The following KMT2C variants were observed in gnomAD, a reference collection of about 807,000 sequenced individuals.
KMT2C encodes the protein lysine methyltransferase 2C.
KMT2C carries 88 observed loss-of-function variants against 507.9 expected under a neutral mutation model. That is an observed-to-expected ratio of 0.17 (90% CI 0.15 to 0.21). The LOEUF is 0.21. KMT2C is among the 10% of genes least tolerant of loss of function. KMT2C has a pLI of 1.00. For synonymous variants in KMT2C, 2,049 were observed against 2,080.8 expected, an observed-to-expected ratio of 0.98 and a Z score of 0.42; for missense variants, 4,954 against 5,957.8, an observed-to-expected ratio of 0.83 and a Z score of 5.55.
chr7:152,181,751 C>G lies in KMT2C; in HGVS notation c.6109G>C (p.Asp2037His), dbSNP rs2129120279. 1 of 1,614,056 alleles carries G rather than the reference C, an allele frequency of 6.2e-7. No homozygotes were observed. Among genetic ancestry groups the G allele is most frequent in the Non-Finnish European group, 8.5e-7 (1 of 1,180,022 alleles). The part of the protein sequence containing the change: ...ARPLLTPAPL[D>H]SGPGPFKTPM... ...GTCTTAAAAGGTCCAGGACCACTATCAAGAGGTGCAGGTGTCAACAAGGGT... is the reference window on the plus strand; with the variant it reads ...GTCTTAAAAGGTCCAGGACCACTATGAAGAGGTGCAGGTGTCAACAAGGGT... Residue 2037 changes from aspartate (D) to histidine (H), a missense_variant, in exon 36 of 59, where the codon GAT becomes CAT. Coordinates refer to ENST00000262189, the MANE Select transcript of KMT2C (RefSeq NM_170606.3).
Position 152,248,556 on chromosome 7 carries a change from T to C in KMT2C, c.1878A>G (p.Glu626=). 6.2e-7 allele frequency: 1 copy of C among 1,614,010 alleles called. No homozygotes were observed. Among genetic ancestry groups the C allele is most frequent in the Non-Finnish European group, 8.5e-7 (1 of 1,179,910 alleles). Residue 626 remains glutamate, a synonymous_variant, in exon 14 of 59, where the codon GAA becomes GAG. Coordinates refer to ENST00000262189, the MANE Select transcript of KMT2C (RefSeq NM_170606.3). ...EKQISNEVDS[E]DLKMSSEVKH... ...TCACTTCAGAAGACATTTTCAGGTC[T>C]TCACTATCAACTTCATTAGAAATCT... is the stretch of plus-strand genomic sequence containing the variant.
At chr7:152,153,943 A>T in intron 48 of KMT2C, 67 bp downstream of exon 48, 4 of 1,480,714 alleles carry the variant, frequency 2.7e-6, no homozygotes, top group Non-Finnish European at 3.7e-6. Flanking sequence ...TTTATGGTAG[A>T]CACCTGACCC....
In KMT2C at chr7:152,136,666, C is replaced by A. The variant is rs537188192; in HGVS notation, c.*166G>T. 6.7e-6 allele frequency: 4 copies of A among 599,240 alleles called. No homozygotes were observed. Among genetic ancestry groups the A allele is most frequent in the African/African-American group, 1.9e-5 (1 of 53,908 alleles). 37.1% of individuals were successfully genotyped at this position (599,240 alleles called of 1,614,324 possible). A position where few individuals can be genotyped will look rare whatever the true frequency, so the allele number is the denominator to read the frequency against. ...GCTGCTTCTGTCAGCTTCCTCCTGG[C>A]GCTGCTTTAACCTAAAGGACTGAGG... On this transcript the variant is annotated 3_prime_UTR_variant, in exon 59 of 59. Transcript: ENST00000262189.
intron 52 of KMT2C, among the ~76,000 whole-genome samples, chr7:152,146,981 T>C (rs2091163562): frequency 6.6e-6 from 1 of 152,218 alleles, no homozygotes; most frequent in Admixed American, 6.5e-5. Flanking sequence ...AAAAACTTAA[T>C]GTAACTGAAA....
At chr7:152,157,185 G>C (rs558961893) in intron 44 of KMT2C, among the ~76,000 whole-genome samples, 1 of 151,652 alleles carries the variant, frequency 6.6e-6, no homozygotes, top group South Asian at 2.1e-4. Context: ...CTTGACCTCA[G>C]GGTGTGGTGG....
chr7:152,180,615 A>T, intron 36 of KMT2C, 96 bp downstream of exon 36: 5 of 951,032 alleles, frequency 5.3e-6, no homozygotes, highest in Non-Finnish European at 7.7e-6. Flanking sequence ...TAAAAAAAAT[A>T]AAACATTAAC....
At chr7:152,378,562 AAT>A (rs1284573535) in intron 1 of KMT2C, among the ~76,000 whole-genome samples, 1 of 152,196 alleles carries the variant, frequency 6.6e-6, no homozygotes, top group Non-Finnish European at 1.5e-5. Context: ...GGTAAACCAA[AAT>A]ATTTGTGTGC....
chr7:152,282,773 T>C (rs1360775182), intron 6 of KMT2C, among the ~76,000 whole-genome samples: 3 of 150,682 alleles, frequency 2.0e-5, no homozygotes, highest in Non-Finnish European at 4.4e-5. Context: ...CGTTCTAATA[T>C]TTGGGGTATT....
At position 152,163,510 on chromosome 7, in the gene KMT2C, G is replaced by A. The variant is rs768610423; in HGVS notation, c.10067C>T (p.Ala3356Val). ...TGTACAAGTTTTTATTGGTAACTGGGCAATTGGGGGCTGAATTCTAGGAGG... is the reference window on the plus strand; with the variant it reads ...TGTACAAGTTTTTATTGGTAACTGGACAATTGGGGGCTGAATTCTAGGAGG... ...LNPPRIQPPI[A>V]QLPIKTCTPA... The change falls in exon 43 of 59, where the codon GCC (alanine) becomes GTC (valine). Residue 3356 changes from alanine to valine, a missense_variant. Ala to Val is a moderately conservative substitution (Grantham distance 64). Transcript: ENST00000262189. 5 of 1,613,544 alleles carry A rather than the reference G, an allele frequency of 3.1e-6. No individual in the cohort carries two copies. Among genetic ancestry groups the A allele is most frequent in the Admixed American group, 1.7e-5 (1 of 59,990 alleles).
At chr7:152,278,190 T>C (rs1246459867) in intron 6 of KMT2C, among the ~76,000 whole-genome samples, 2 of 152,122 alleles carry the variant, frequency 1.3e-5, no homozygotes, top group Non-Finnish European at 2.9e-5. Context: ...GTGTATGGCA[T>C]CTCCACCCCT....
chr7:152,136,994 C>T, intron 58 of KMT2C, 70 bp from the exon 59 acceptor site: 1 of 1,171,726 alleles, frequency 8.5e-7, no homozygotes, highest in Non-Finnish European at 1.3e-6. Flanking sequence ...CCTCCATCTC[C>T]CTTGCATTTT....
intron 16 of KMT2C, among the ~76,000 whole-genome samples, chr7:152,234,925 T>C (rs950082218): frequency 6.6e-5 from 10 of 152,058 alleles, no homozygotes; most frequent in Non-Finnish European, 1.3e-4. Flanking sequence ...TCTACAACCA[T>C]GGTGCATCCA....
At chr7:152,409,734 AAAAAT>A (rs144031964) in intron 1 of KMT2C, among the ~76,000 whole-genome samples, 1 of 149,044 alleles carries the variant, frequency 6.7e-6, no homozygotes. Flanking sequence ...CCGTCTCAAA[AAAAAT>A]AAAATAAAAT....
chr7:152,340,982 T>C (rs2096986529), intron 2 of KMT2C, among the ~76,000 whole-genome samples: 1 of 152,242 alleles, frequency 6.6e-6, no homozygotes, highest in African/African-American at 2.4e-5. Context: ...TTAGTTTTCC[T>C]ACATAACTTT....
chr7:152,332,538 A>G (rs2096893686), intron 2 of KMT2C, among the ~76,000 whole-genome samples: 1 of 152,132 alleles, frequency 6.6e-6, no homozygotes, highest in South Asian at 2.1e-4. Flanking sequence ...AATTGTATCC[A>G]GCCTCCTATT....
intron 23 of KMT2C, among the ~76,000 whole-genome samples, chr7:152,219,682 A>G (rs1480409019): frequency 6.6e-6 from 1 of 152,184 alleles, no homozygotes; most frequent in Non-Finnish European, 1.5e-5. Context: ...CCCAAAAATG[A>G]GCAAACCAAC....
chr7:152,373,884 T>TA (rs1554687940), intron 1 of KMT2C, among the ~76,000 whole-genome samples: 1 of 152,064 alleles, frequency 6.6e-6, no homozygotes, highest in Admixed American at 6.6e-5. Flanking sequence ...TAATTTTTTT[T>TA]AAAAAGGGAC....
intron 1 of KMT2C, among the ~76,000 whole-genome samples, chr7:152,415,362 A>G (rs1430790131): frequency 2.0e-5 from 3 of 152,210 alleles, no homozygotes; most frequent in Non-Finnish European, 2.9e-5. Flanking sequence ...TTATCTTACT[A>G]CTTCTATAAA....
chr7:152,329,775 G>A (rs2129211414), intron 3 of KMT2C, among the ~76,000 whole-genome samples: 1 of 151,624 alleles, frequency 6.6e-6, no homozygotes, highest in Non-Finnish European at 1.5e-5. Flanking sequence ...CCAAACTGAT[G>A]GATAATTTCA....
Sources: gnomAD v4.1 joint callset for allele counts (sites outside exome capture counted in the v4.1 genomes callset) on GRCh38, gnomAD v4.1.1 for gene constraint, MANE v1.5 for transcripts, NCBI Gene and HGNC (gene_info 2026-07-23, HGNC 2026-07-21) for gene names.